Variants in GRB10 observed in about 807,000 individuals in gnomAD.
GRB10 encodes growth factor receptor-bound protein 10.
GRB10 carries 20 observed loss-of-function variants against 80.9 expected under a neutral mutation model. The ratio of observed to expected loss-of-function variants is 0.25; its 90% confidence interval spans 0.17 to 0.36. The LOEUF is 0.36. GRB10 is among the 10% of genes least tolerant of loss of function. GRB10 has a pLI of 1.00. For missense variants in GRB10, 548 were observed against 747.7 expected (o/e 0.73, Z 3.12); for synonymous variants, 291 against 291.5 (o/e 1.00, Z 0.02).
chr7:50,782,591 C>T lies in GRB10; in HGVS notation c.-494G>A, dbSNP rs1403373567. The T allele has an allele frequency of 6.6e-6, 1 of 151,210 alleles. No individual in the cohort carries two copies. The highest frequency in any genetic ancestry group is 1.5e-5 in the Non-Finnish European group (1 of 67,760). The allele number at this position is 151,210 out of a possible 1,614,324, so 9.4% of individuals were successfully genotyped here. A position where few individuals can be genotyped will look rare whatever the true frequency, so the allele number is the denominator to read the frequency against. ...TGGTCCTCCACGGCTCCGCCCCGGC[C>T]AGGGGCCTGCGGCGCAGAAAACCGA... On this transcript the variant is annotated 5_prime_UTR_variant, in exon 1 of 19. Transcript: ENST00000401949. The surrounding 1 kb of genome is among the most constrained non-coding windows in gnomAD (Gnocchi z 6.6).
intron 5 of GRB10, among the ~76,000 whole-genome samples, chr7:50,684,850 C>A (rs762746870): frequency 1.3e-5 from 2 of 152,174 alleles, no homozygotes; most frequent in African/African-American, 2.4e-5. Context: ...ATTCCTAACT[C>A]TTCTATTACA....
intron 7 of GRB10, among the ~76,000 whole-genome samples, chr7:50,661,873 T>C (rs1563336063): frequency 6.6e-6 from 1 of 152,170 alleles, no homozygotes; most frequent in Non-Finnish European, 1.5e-5. Flanking sequence ...CAGCTGCCGT[T>C]GTGGAGAGAG....
At position 50,669,772 on chromosome 7, in the gene GRB10, G is replaced by T. The variant is rs200175899; in HGVS notation, c.454C>A (p.Pro152Thr). The change falls in exon 7 of 19, where the codon CCT becomes ACT. Residue 152 changes from proline to threonine, a missense_variant. Physicochemically the swap from Pro to Thr is conservative, Grantham distance 38 (BLOSUM62 -1). This residue lies in a region of GRB10 where 245 missense variants were observed against 229.3 expected (regional missense o/e 1.07). Transcript: ENST00000401949. ...GGTAAAGAACCCGGCGTGAGCACAG[G>T]GGGGCTCCCAGGGCCACAGAGTTCA... ...FPELCGPGSPPVLTPGSLPPS... is the reference protein window; with the variant it reads ...FPELCGPGSPTVLTPGSLPPS... The T allele has an allele frequency of 3.1e-4, 507 of 1,613,966 alleles. No homozygotes were observed. Among genetic ancestry groups the T allele is most frequent in the Non-Finnish European group, 4.0e-4 (475 of 1,179,986 alleles).
chr7:50,619,315 G>A (rs147011982), intron 8 of GRB10, 30 bp from the exon 9 acceptor site: 8 of 1,279,674 alleles, frequency 6.3e-6, no homozygotes, highest in South Asian at 3.5e-5. Context: ...CGTGTGAGAC[G>A]CAACAGGTGG....
intron 7 of GRB10, among the ~76,000 whole-genome samples, chr7:50,668,161 C>T (rs1025853197): frequency 3.9e-5 from 6 of 152,114 alleles, no homozygotes; most frequent in African/African-American, 1.4e-4. Context: ...CAGCCTGCTC[C>T]GGGGGCCTGA....
intron 7 of GRB10, among the ~76,000 whole-genome samples, chr7:50,668,257 A>ACTGTC (rs1251204680): frequency 2.0e-5 from 3 of 152,210 alleles, no homozygotes; most frequent in African/African-American, 7.2e-5. Flanking sequence ...ATGGCACAGG[A>ACTGTC]CAGGCAGATT....
chr7:50,783,135 G>A (rs980361037), upstream of GRB10, among the ~76,000 whole-genome samples: 4 of 152,246 alleles, frequency 2.6e-5, no homozygotes, highest in East Asian at 3.9e-4. Flanking sequence ...ACAGGCGGGG[G>A]ACATCGCGGC....
chr7:50,703,187 C>T (rs2064492151), intron 5 of GRB10, among the ~76,000 whole-genome samples: 1 of 152,226 alleles, frequency 6.6e-6, no homozygotes, highest in African/African-American at 2.4e-5. Context: ...TTAAGAAAAT[C>T]TGAATATTCA....
chr7:50,787,125 G>A (rs1362172570), upstream of GRB10, among the ~76,000 whole-genome samples: 2 of 152,218 alleles, frequency 1.3e-5, no homozygotes, highest in African/African-American at 4.8e-5. Context: ...TCCCAACACT[G>A]CATACTGATG....
intron 2 of GRB10, among the ~76,000 whole-genome samples, chr7:50,771,656 T>TA (rs2153709478): frequency 6.6e-6 from 1 of 152,284 alleles, no homozygotes; most frequent in South Asian, 2.1e-4. Flanking sequence ...TCTCAACTGA[T>TA]ACTGCTCTTG....
intron 7 of GRB10, among the ~76,000 whole-genome samples, chr7:50,636,668 T>C (rs2055092217): frequency 6.6e-6 from 1 of 151,980 alleles, no homozygotes; most frequent in Non-Finnish European, 1.5e-5. Context: ...AAGCATTCAG[T>C]AAAATACAAC....
Position 50,709,290 on chromosome 7 carries a change from G to C in GRB10, c.52-5382C>G, listed in dbSNP as rs557158016. On this transcript the variant is annotated intron_variant, in intron 4 of 18. Transcript: ENST00000401949. The stretch of plus-strand genomic sequence containing the variant: ...GAGCCCTCCAGTGGGTGAGGAGAAT[G>C]GTTTCTGTCTGCTCCTCCATCCTGT... Among the ~76,000 whole-genome samples the C allele has an allele frequency of 9.8e-5, 15 of 152,330 alleles. No individual in the cohort carries two copies. In the South Asian group the frequency reaches 2.9e-3, roughly 29 times the overall value.
chr7:50,779,370 G>A (rs945545273), intron 2 of GRB10: 9 of 152,190 alleles, frequency 5.9e-5, no homozygotes, highest in Non-Finnish European at 1.0e-4. Context: ...AGTTTAAGTT[G>A]TGGTATTTTC....
chr7:50,687,463 G>A (rs1326238542), intron 5 of GRB10, among the ~76,000 whole-genome samples: 1 of 152,194 alleles, frequency 6.6e-6, no homozygotes, highest in Non-Finnish European at 1.5e-5. Flanking sequence ...TCCAGGAAGT[G>A]CAGCGAATTC....
intron 4 of GRB10, among the ~76,000 whole-genome samples, chr7:50,724,637 G>C (rs1185647259): frequency 6.6e-6 from 1 of 152,156 alleles, no homozygotes; most frequent in Admixed American, 6.5e-5. Context: ...CCTTCCCCTT[G>C]AAGAGGGCTA....
Position 50,593,168 on chromosome 7 carries a change from C to T in GRB10, c.1639-70G>A, listed in dbSNP as rs74342530. 76 of 1,555,742 alleles carry T rather than the reference C, an allele frequency of 4.9e-5. No homozygotes were observed. In the African/African-American group the frequency reaches 8.5e-4, roughly 17 times the overall value. ...CAGGGAACAGAACGGGGCCCACGGCCAGCAGCAGCTACATCTGCCCATGAT... is the reference window on the plus strand; with the variant it reads ...CAGGGAACAGAACGGGGCCCACGGCTAGCAGCAGCTACATCTGCCCATGAT... On this transcript the variant is annotated intron_variant, in intron 18 of 18. Coordinates refer to ENST00000401949, the MANE Select transcript of GRB10 (RefSeq NM_001350814.2).
intron 3 of GRB10, among the ~76,000 whole-genome samples, chr7:50,753,661 T>C (rs1195034472): frequency 6.6e-6 from 1 of 152,146 alleles, no homozygotes; most frequent in Non-Finnish European, 1.5e-5. Context: ...CCCCACCAAA[T>C]GGAGCCACCA....
upstream of GRB10, among the ~76,000 whole-genome samples, chr7:50,785,918 A>C (rs2078675424): frequency 6.6e-6 from 1 of 152,216 alleles, no homozygotes; most frequent in African/African-American, 2.4e-5. Context: ...AAGAATACTC[A>C]CTTTGAATGT....
intron 7 of GRB10, among the ~76,000 whole-genome samples, chr7:50,637,671 T>C (rs1167997255): frequency 6.6e-6 from 1 of 151,894 alleles, no homozygotes; most frequent in Non-Finnish European, 1.5e-5. Context: ...ATTTCCAATG[T>C]CATTCTTCAC....
Sources: gnomAD v4.1 joint callset for allele counts (sites outside exome capture counted in the v4.1 genomes callset) on GRCh38, gnomAD v4.1.1 for gene constraint, gnomAD v4.1.1 regional missense constraint, Gnocchi (gnomAD v3.1) non-coding constraint, MANE v1.5 for transcripts, NCBI Gene and HGNC (gene_info 2026-07-23, HGNC 2026-07-21) for gene names.